Variants in PTPRD observed in about 807,000 individuals in gnomAD.
The protein encoded by PTPRD is protein tyrosine phosphatase receptor type D.
PTPRD carries 34 observed loss-of-function variants against 214.5 expected under a neutral mutation model. The observed-to-expected ratio is 0.16, with a 90% CI of 0.12 to 0.21. The LOEUF is 0.21. PTPRD is among the 10% of genes least tolerant of loss of function. The pLI, the probability that PTPRD is intolerant of heterozygous loss-of-function variation, is 1.00. For missense variants in PTPRD, 2,545 were observed against 2,398.7 expected (o/e 1.06, Z -1.27); for synonymous variants, 1,128 against 845.7 (o/e 1.33, Z -5.79).
Position 8,319,720 on chromosome 9 carries a change from G to A in PTPRD, c.5670+111C>T, listed in dbSNP as rs1825447997. ...GTTCAAAATTATTAAACAGTTTGAT[G>A]CTTTCCCCACAGTATTTTGTGTCTG... On this transcript the variant is annotated intron_variant, in intron 45 of 45. Transcript: ENST00000381196. 12 of 1,332,494 alleles carry A rather than the reference G, an allele frequency of 9.0e-6. No individual in the cohort carries two copies. The East Asian group carries it at 2.9e-4, about 32-fold the overall frequency. The allele number at this position is 1,332,494 out of a possible 1,614,324, so 82.5% of individuals were successfully genotyped here.
intron 39 of PTPRD, 57 bp downstream of exon 39, chr9:8,375,879 A>C (rs1362062224): frequency 1.3e-6 from 2 of 1,568,476 alleles, no homozygotes; most frequent in African/African-American, 2.7e-5. Context: ...AGAAACATCC[A>C]ATGAGAGTCA....
At chr9:10,573,318 G>A (rs550105092) in intron 2 of PTPRD, among the ~76,000 whole-genome samples, 21 of 152,146 alleles carry the variant, frequency 1.4e-4, no homozygotes, top group African/African-American at 4.1e-4. Flanking sequence ...TCCTGTTTGC[G>A]CATGAATACA....
intron 11 of PTPRD, among the ~76,000 whole-genome samples, chr9:8,828,154 G>A (rs1263338090): frequency 6.6e-6 from 1 of 152,158 alleles, no homozygotes; most frequent in Non-Finnish European, 1.5e-5. Context: ...AATCATTTCT[G>A]TCTTCCAATG....
chr9:9,229,274 A>G (rs1333719426), intron 9 of PTPRD, among the ~76,000 whole-genome samples: 1 of 152,150 alleles, frequency 6.6e-6, no homozygotes. Flanking sequence ...CCTGTAACTG[A>G]TAAGATTTGG....
intron 11 of PTPRD, among the ~76,000 whole-genome samples, chr9:8,880,547 T>C (rs1025176041): frequency 2.0e-5 from 3 of 152,142 alleles, no homozygotes; most frequent in Non-Finnish European, 4.4e-5. Context: ...AGGGTGCCTA[T>C]TGGGAGTAAT....
chr9:9,903,152 A>G (rs767181496), intron 5 of PTPRD, among the ~76,000 whole-genome samples: 2 of 152,168 alleles, frequency 1.3e-5, no homozygotes, highest in East Asian at 1.9e-4. Context: ...GTTGAATCAA[A>G]TAATTTTCTT....
intron 10 of PTPRD, among the ~76,000 whole-genome samples, chr9:9,171,263 C>G (rs561523383): frequency 1.3e-5 from 2 of 151,708 alleles, no homozygotes; most frequent in East Asian, 3.9e-4. Flanking sequence ...TTCTTTGTTG[C>G]CAGATCAATT....
At chr9:9,277,293 A>G (rs1301623750) in intron 9 of PTPRD, among the ~76,000 whole-genome samples, 1 of 151,404 alleles carries the variant, frequency 6.6e-6, no homozygotes, top group African/African-American at 2.4e-5. Flanking sequence ...TTAAAATGCC[A>G]ATCTGTAAGA....
At chr9:9,756,141 C>A (rs747996095) in intron 6 of PTPRD, among the ~76,000 whole-genome samples, 5 of 152,010 alleles carry the variant, frequency 3.3e-5, no homozygotes, top group Non-Finnish European at 7.4e-5. Flanking sequence ...GTTCTAATAT[C>A]GACCTCAAGC....
chr9:9,016,258 T>C (rs1007946140), intron 11 of PTPRD, among the ~76,000 whole-genome samples: 5 of 152,118 alleles, frequency 3.3e-5, no homozygotes, highest in Non-Finnish European at 5.9e-5. Context: ...GTGACAATTT[T>C]CCCCCAAATA....
At chr9:10,378,190 G>A (rs1273827416) in intron 2 of PTPRD, among the ~76,000 whole-genome samples, 1 of 152,000 alleles carries the variant, frequency 6.6e-6, no homozygotes, top group African/African-American at 2.4e-5. Flanking sequence ...TCATATGCCT[G>A]CTTCTTAAAT....
chr9:9,575,080 A>C (rs767304393), intron 7 of PTPRD, among the ~76,000 whole-genome samples: 1 of 152,240 alleles, frequency 6.6e-6, no homozygotes, highest in Non-Finnish European at 1.5e-5. Flanking sequence ...TGCAAGCTTA[A>C]TGTATTTTGC....
chr9:10,162,188 G>A (rs1042633724), intron 3 of PTPRD, among the ~76,000 whole-genome samples: 1 of 151,452 alleles, frequency 6.6e-6, no homozygotes, highest in Non-Finnish European at 1.5e-5. Flanking sequence ...CAATTCCACT[G>A]CTGGGTATAA....
intron 3 of PTPRD, among the ~76,000 whole-genome samples, chr9:10,109,968 G>GA (rs370724322): frequency 1.4e-3 from 193 of 135,592 alleles, no homozygotes; most frequent in African/African-American, 3.9e-3. Flanking sequence ...ATGCCAAAAA[G>GA]AAAAAAAAAA....
intron 10 of PTPRD, among the ~76,000 whole-genome samples, chr9:9,048,326 C>T (rs1294283598): frequency 6.6e-6 from 1 of 152,136 alleles, no homozygotes; most frequent in Non-Finnish European, 1.5e-5. Context: ...GAAAGGAAAT[C>T]AGTGTATTGA....
At chr9:9,649,407 A>G (rs1319422545) in intron 7 of PTPRD, among the ~76,000 whole-genome samples, 2 of 152,196 alleles carry the variant, frequency 1.3e-5, no homozygotes, top group Non-Finnish European at 2.9e-5. Context: ...GTGATTATAA[A>G]CTGCTTAAGT....
intron 11 of PTPRD, among the ~76,000 whole-genome samples, chr9:9,000,498 A>G (rs181701807): frequency 5.9e-5 from 9 of 152,070 alleles, no homozygotes; most frequent in Non-Finnish European, 1.5e-5. Flanking sequence ...AAGAAACTTT[A>G]ACCTATTAAC....
chr9:9,784,891 T>C (rs1329167774), intron 5 of PTPRD, among the ~76,000 whole-genome samples: 1 of 147,226 alleles, frequency 6.8e-6, no homozygotes, highest in African/African-American at 2.5e-5. Flanking sequence ...CACACACCTA[T>C]ACACACATAT....
At chr9:8,567,194 C>T (rs1235393482) in intron 14 of PTPRD, among the ~76,000 whole-genome samples, 2 of 152,164 alleles carry the variant, frequency 1.3e-5, no homozygotes, top group Non-Finnish European at 1.5e-5. Flanking sequence ...AGATGGGTTC[C>T]ATGATGAATT....
Sources: gnomAD v4.1 joint callset for allele counts (sites outside exome capture counted in the v4.1 genomes callset) on GRCh38, gnomAD v4.1.1 for gene constraint, MANE v1.5 for transcripts, NCBI Gene and HGNC (gene_info 2026-07-23, HGNC 2026-07-21) for gene names.